Variants in NID2 observed in about 807,000 individuals in gnomAD.
NID2 encodes nidogen 2.
A neutral mutation model predicts 145.4 loss-of-function variants in NID2; 83 were observed. The observed-to-expected ratio is 0.57, with a 90% CI of 0.48 to 0.69. The LOEUF (loss-of-function observed/expected upper bound fraction) is 0.69. Ranked by LOEUF, NID2 falls within the 30% of genes least tolerant of loss-of-function variation. The pLI, the probability that NID2 is intolerant of heterozygous loss-of-function variation, is 0.00. For synonymous variants in NID2, 739 were observed against 701.3 expected (o/e 1.05, Z -0.85); for missense variants, 1,807 against 1,765.7 (o/e 1.02, Z -0.42).
At chr14:52,053,482 A>C in intron 5 of NID2, 97 bp downstream of exon 5, 2 of 1,341,678 alleles carry the variant, frequency 1.5e-6, no homozygotes, top group Non-Finnish European at 2.0e-6. Flanking sequence ...TTTTTGCTAA[A>C]CTTTTCACCT....
At chr14:52,044,098 T>C (rs1277129132) in intron 5 of NID2, among the ~76,000 whole-genome samples, 1 of 151,890 alleles carries the variant, frequency 6.6e-6, no homozygotes, top group Non-Finnish European at 1.5e-5. Context: ...AATCCAAAGA[T>C]CAATCTTTAC....
intron 9 of NID2, among the ~76,000 whole-genome samples, chr14:52,033,289 T>C (rs1342198167): frequency 6.6e-6 from 1 of 152,082 alleles, no homozygotes; most frequent in East Asian, 1.9e-4. Context: ...TCCCTTCAGC[T>C]TCACTGCACA....
At chr14:52,025,648 T>A (rs1217263800) in intron 12 of NID2, among the ~76,000 whole-genome samples, 1 of 152,112 alleles carries the variant, frequency 6.6e-6, no homozygotes, top group Non-Finnish European at 1.5e-5. Context: ...AGGGCTGAGG[T>A]GGTGCAGGAC....
intron 5 of NID2, among the ~76,000 whole-genome samples, chr14:52,048,478 A>G (rs575565048): frequency 2.6e-5 from 4 of 152,264 alleles, no homozygotes; most frequent in East Asian, 1.9e-4. Context: ...GATCCCAGCT[A>G]GATGAGATGT....
chr14:52,004,904 T>G lies in NID2; in HGVS notation c.*582A>C, dbSNP rs1890696340. The G allele has an allele frequency of 6.1e-6, 1 of 162,674 alleles. No individual in the cohort carries two copies. The highest frequency in any genetic ancestry group is 2.4e-5 in the African/African-American group (1 of 41,920). 10.1% of individuals were successfully genotyped at this position (162,674 alleles called of 1,614,324 possible). ...GTGATACTTTACTTTCTGTGGGTAC[T>G]TCTATAGAGGCACTACAGGATCAGA... On this transcript the variant is annotated 3_prime_UTR_variant, in exon 22 of 22. Transcript: ENST00000216286.
chr14:52,011,735 G>A, intron 16 of NID2, 52 bp from the exon 17 acceptor site: 2 of 1,607,104 alleles, frequency 1.2e-6, no homozygotes, highest in Admixed American at 1.7e-5. Flanking sequence ...TTTCCCCTTT[G>A]TTCACACTCA....
intron 20 of NID2, chr14:52,006,305 C>A: frequency 2.1e-6 from 1 of 482,942 alleles, no homozygotes; most frequent in South Asian, 2.5e-5. Flanking sequence ...ACTTTTTAAG[C>A]TATATGTGAG....
rs141630728 is a variant in NID2 at position 52,054,255 on chromosome 14, A to T, written c.834T>A (p.Asn278Lys). 1.2e-6 allele frequency: 2 copies of T among 1,614,162 alleles called. No individual in the cohort carries two copies. Among genetic ancestry groups the T allele is most frequent in the South Asian group, 2.2e-5 (2 of 91,076 alleles). ...GGTCTCCAACTGCAGCTGGCCTGAC[A>T]TTGTCCAACGGGGAAGTGCTGCCGA... is the stretch of plus-strand genomic sequence containing the variant. ...FHIGSTSPLD[N>K]VRPAAVGDLS... Residue 278 changes from asparagine to lysine, a missense_variant, in exon 4 of 22, where the codon AAT becomes AAA. Coordinates refer to ENST00000216286, the MANE Select transcript of NID2 (RefSeq NM_007361.4).
At position 52,030,507 on chromosome 14, in the gene NID2, G is replaced by GAAAGAAAGA. The variant is rs761726423; in HGVS notation, c.2258-826_2258-818dup. The stretch of plus-strand genomic sequence containing the variant: ...AAAGAAAGAAAGAAAGAAAGAGAAA[G>GAAAGAAAGA]AAAGAAAGAAAAGAAAGAAAGAAAG... On this transcript the variant is annotated intron_variant, in intron 9 of 21. Coordinates refer to ENST00000216286, the MANE Select transcript of NID2 (RefSeq NM_007361.4). 2.7e-5 allele frequency among the ~76,000 whole-genome samples: 2 copies of GAAAGAAAGA among 74,040 alleles called. 1 individual carries two copies. The highest frequency in any genetic ancestry group is 1.1e-4 in the African/African-American group (2 of 18,758). 48.6% of individuals were successfully genotyped at this position (74,040 alleles called of 152,430 possible). A position where few individuals can be genotyped will look rare whatever the true frequency, so the allele number is the denominator to read the frequency against.
At chr14:52,014,506 G>C (rs369861207) in intron 15 of NID2, 50 bp from the exon 16 acceptor site, 1 of 1,543,088 alleles carries the variant, frequency 6.5e-7, no homozygotes. Context: ...GGCAGGCAGG[G>C]AGATGGGAAG....
intron 9 of NID2, among the ~76,000 whole-genome samples, chr14:52,030,567 A>AGAAAAGAAAGAAAGAACGAACGAAC (rs66551436): frequency 3.0e-5 from 3 of 99,272 alleles, no homozygotes; most frequent in African/African-American, 1.2e-4. Context: ...AAAGAAAGAA[A>AGAAAAGAAAGAAAGAACGAACGAAC]GGAAGGAAGG....
chr14:52,053,958 C>T lies in NID2; in HGVS notation c.1070-20G>A. On this transcript the variant is annotated intron_variant, in intron 4 of 21. Transcript: ENST00000216286. ...AAGATTCTGTTTCAGGATAGAATGG[C>T]CAATAAGTAGGTGTTGGATGCAAGG... The T allele has an allele frequency of 6.2e-7, 1 of 1,611,860 alleles. No individual in the cohort carries two copies. Among genetic ancestry groups the T allele is most frequent in the South Asian group, 1.1e-5 (1 of 90,760 alleles).
At position 52,067,971 on chromosome 14, in the gene NID2, G is replaced by C; in HGVS notation, c.421C>G (p.Arg141Gly). The change falls in exon 2 of 22, where the codon CGC (arginine) becomes GGC (glycine). Residue 141 changes from arginine to glycine, a missense_variant. Arg to Gly is a moderately radical substitution (Grantham distance 125). Coordinates refer to ENST00000216286, the MANE Select transcript of NID2 (RefSeq NM_007361.4). Reference protein sequence around the residue: ...AVLGLAARYVRAGFPRSARFT... With the variant: ...AVLGLAARYVGAGFPRSARFT... ...CGCGCAGAGCGCGGGAAGCCAGCGC[G>C]CACATAGCGGGCGGCCAGGCCCAGC... The C allele has an allele frequency of 6.2e-7, 1 of 1,611,080 alleles. No individual in the cohort carries two copies. Among genetic ancestry groups the C allele is most frequent in the Non-Finnish European group, 8.5e-7 (1 of 1,178,782 alleles).
intron 2 of NID2, among the ~76,000 whole-genome samples, chr14:52,063,688 G>C (rs1447957618): frequency 1.3e-5 from 2 of 152,190 alleles, no homozygotes; most frequent in African/African-American, 4.8e-5. Flanking sequence ...AGTTCTCTTT[G>C]TCATCTTCCT....
intron 16 of NID2, among the ~76,000 whole-genome samples, chr14:52,013,737 T>G (rs1343078705): frequency 6.6e-6 from 1 of 152,132 alleles, no homozygotes; most frequent in Non-Finnish European, 1.5e-5. Flanking sequence ...TCTCCCAGCA[T>G]CACACACTCC....
At chr14:52,053,504 A>T in intron 5 of NID2, 75 bp downstream of exon 5, 1 of 1,488,648 alleles carries the variant, frequency 6.7e-7, no homozygotes, top group Non-Finnish European at 9.0e-7. Flanking sequence ...CCCACTTAAG[A>T]GAAAAATCAC....
rs1313067764 is a variant in NID2 at position 52,027,322 on chromosome 14, G to A, written c.2553C>T (p.Pro851=). 1 of 1,579,844 alleles carries A rather than the reference G, an allele frequency of 6.3e-7. No individual in the cohort carries two copies. Among genetic ancestry groups the A allele is most frequent in the Non-Finnish European group, 8.6e-7 (1 of 1,165,138 alleles). Residue 851 remains proline, a synonymous_variant, in exon 12 of 22, where the codon CCC becomes CCT. Coordinates refer to ENST00000216286, the MANE Select transcript of NID2 (RefSeq NM_007361.4). ...TCILITPPAN[P]CEDGSHTCAP... Reference sequence around the variant, plus strand: ...CACAGGTATGACTGCCATCCTCACAGGGGTTGGCAGGTGGGGTGATCACTG... The same window carrying A: ...CACAGGTATGACTGCCATCCTCACAAGGGTTGGCAGGTGGGGTGATCACTG...
At position 52,040,658 on chromosome 14, in the gene NID2, G is replaced by A. The variant is rs770008182; in HGVS notation, c.2019C>T (p.Ser673=). The change falls in exon 8 of 22, where the codon TCC becomes TCT. Residue 673 remains serine, a synonymous_variant. Transcript: ENST00000216286. ...ISPYKELYHY[S]DSTVTSTSSR... The stretch of plus-strand genomic sequence containing the variant: ...AAGACTGGTTATACATACTGGAGTC[G>A]GAGTAGTGGTACAGCTCCTTGTAGG... The A allele has an allele frequency of 4.8e-5, 78 of 1,613,550 alleles. No individual in the cohort carries two copies. The highest frequency in any genetic ancestry group is 2.3e-4 in the African/African-American group (17 of 74,900).
At chr14:52,036,165 C>T (rs944237706) in intron 9 of NID2, among the ~76,000 whole-genome samples, 2 of 152,156 alleles carry the variant, frequency 1.3e-5, no homozygotes, top group Non-Finnish European at 2.9e-5. Context: ...TAGCTATTAA[C>T]GCCCTATGCT....
Sources: allele counts gnomAD v4.1 joint callset (sites outside exome capture counted in the v4.1 genomes callset), GRCh38; gene constraint gnomAD v4.1.1; transcripts MANE v1.5; gene names NCBI Gene and HGNC (gene_info 2026-07-23, HGNC 2026-07-21).